TMC2: variants seen among roughly 807,000 people sequenced by gnomAD.
TMC2 encodes the protein transmembrane channel-like protein 2.
A neutral mutation model predicts 105.9 loss-of-function variants in TMC2; 102 were observed. That is an observed-to-expected ratio of 0.96 (90% CI 0.82 to 1.14). The LOEUF (loss-of-function observed/expected upper bound fraction) is 1.14. Ranked by LOEUF, TMC2 falls within the 50% of genes most tolerant of loss-of-function variation. TMC2 has a pLI of 0.00. For synonymous variants in TMC2, 402 were observed against 422.8 expected (o/e 0.95, Z 0.60); for missense variants, 1,093 against 1,134.3 (o/e 0.96, Z 0.52).
At chr20:2,559,315 C>A (rs960658431) in intron 3 of TMC2, among the ~76,000 whole-genome samples, 2 of 152,204 alleles carry the variant, frequency 1.3e-5, no homozygotes, top group African/African-American at 4.8e-5. Context: ...AATTCTGGAG[C>A]TTGGAGGTTT....
intron 2 of TMC2, among the ~76,000 whole-genome samples, chr20:2,555,267 G>A (rs1413007076): frequency 6.6e-6 from 1 of 151,892 alleles, no homozygotes; most frequent in East Asian, 1.9e-4. Flanking sequence ...TTTTAGTAGA[G>A]ATGGGGTTTC....
chr20:2,613,318 G>A lies in TMC2; in HGVS notation c.1868G>A (p.Gly623Glu). The change falls in exon 14 of 20, where the codon GGA becomes GAA. Residue 623 changes from glycine to glutamate, a missense_variant. By Grantham distance (98) the Gly-to-Glu change is moderately conservative. Transcript: ENST00000358864. Reference sequence around the variant, plus strand: ...TGCTGGTGCTGGGACTTGGAGGCTGGATTTGTAGGTCACCACTTCATGGAC... The same window carrying A: ...TGCTGGTGCTGGGACTTGGAGGCTGAATTTGTAGGTCACCACTTCATGGAC... ...NYCWCWDLEA[G>E]FPSYAEFDIS... 2 of 1,614,100 alleles carry A rather than the reference G, an allele frequency of 1.2e-6. No individual in the cohort carries two copies. The highest frequency in any genetic ancestry group is 1.7e-6 in the Non-Finnish European group (2 of 1,179,986).
chr20:2,612,034 T>C lies in TMC2; in HGVS notation c.1594-157T>C, dbSNP rs571990108. ...GAACTACAGCCTCTCCTGTACATAT[T>C]GAAAGCCTGAGAAGGGAATTTTGGA... On this transcript the variant is annotated intron_variant, in intron 12 of 19. Coordinates refer to ENST00000358864, the MANE Select transcript of TMC2 (RefSeq NM_080751.3). Among the ~76,000 whole-genome samples the C allele has an allele frequency of 7.2e-5, 11 of 152,262 alleles. No homozygotes were observed. In the South Asian group the frequency reaches 2.1e-3, roughly 29 times the overall value.
At chr20:2,562,054 C>T in intron 4 of TMC2, 44 bp downstream of exon 4, 1 of 1,586,450 alleles carries the variant, frequency 6.3e-7, no homozygotes, top group Non-Finnish European at 8.6e-7. Context: ...ATGTCCACAG[C>T]TCCTTCTGAT....
chr20:2,610,394 A>T (rs1297330204), intron 11 of TMC2, 25 bp from the exon 12 acceptor site: 1 of 1,594,796 alleles, frequency 6.3e-7, no homozygotes, highest in Non-Finnish European at 8.6e-7. Flanking sequence ...TTGATGACAC[A>T]ACGTAGGCTT....
At chr20:2,563,448 T>C (rs909887661) in intron 4 of TMC2, among the ~76,000 whole-genome samples, 1 of 152,210 alleles carries the variant, frequency 6.6e-6, no homozygotes, top group Non-Finnish European at 1.5e-5. Flanking sequence ...GTGTAACATA[T>C]AGCCACTACC....
chr20:2,555,319 G>A lies in TMC2; in HGVS notation c.83-3137G>A, dbSNP rs368519699. Among the ~76,000 whole-genome samples, 147 of 152,246 alleles carry A rather than the reference G, an allele frequency of 9.7e-4. No individual in the cohort carries two copies. In the Middle Eastern group the frequency reaches 0.014, roughly 14 times the overall value. ...TGGTCTCGAACACCTGACCTCAGGT[G>A]ATCCACCCACCTCAGCCTCCCAAAG... On this transcript the variant is annotated intron_variant, in intron 2 of 19. Coordinates refer to ENST00000358864, the MANE Select transcript of TMC2 (RefSeq NM_080751.3).
intron 4 of TMC2, among the ~76,000 whole-genome samples, 158 bp downstream of exon 4, chr20:2,562,168 C>T (rs892912329): frequency 1.3e-5 from 2 of 152,268 alleles, no homozygotes; most frequent in Non-Finnish European, 2.9e-5. Flanking sequence ...CCAAGGCGGC[C>T]GTGCTGTTCG....
chr20:2,603,276 A>C (rs1208800840), intron 11 of TMC2, among the ~76,000 whole-genome samples: 1 of 152,170 alleles, frequency 6.6e-6, no homozygotes, highest in Non-Finnish European at 1.5e-5. Flanking sequence ...TAAATTAATA[A>C]TAAGAAAGAG....
chr20:2,574,476 A>C (rs1277700597), intron 5 of TMC2, among the ~76,000 whole-genome samples: 3 of 152,204 alleles, frequency 2.0e-5, no homozygotes, highest in African/African-American at 4.8e-5. Context: ...ACTTTTTGTT[A>C]ATTTTAAAGA....
chr20:2,552,586 G>T (rs1425982200), intron 2 of TMC2, among the ~76,000 whole-genome samples: 1 of 152,114 alleles, frequency 6.6e-6, no homozygotes, highest in East Asian at 1.9e-4. Context: ...CACAATCTCG[G>T]CTCACTGCAA....
chr20:2,617,515 G>A, intron 16 of TMC2: 2 of 619,958 alleles, frequency 3.2e-6, no homozygotes, highest in Non-Finnish European at 2.7e-6. Flanking sequence ...CATTTCAGTA[G>A]CCACCAGCCA....
intron 9 of TMC2, 121 bp downstream of exon 9, chr20:2,595,088 G>A: frequency 9.1e-7 from 1 of 1,097,420 alleles, no homozygotes; most frequent in Non-Finnish European, 1.3e-6. Context: ...AATGAGCACA[G>A]AAAGCATATG....
chr20:2,558,491 G>T lies in TMC2; in HGVS notation c.118G>T (p.Ala40Ser), dbSNP rs1238848790. ...RLGRRSSSKR[A>S]LKAEGTPGRR... is the part of the protein sequence containing the mutation. ...GGGAAGGAGATCCTCAAGCAAGCGG[G>T]CTCTCAAAGCCGAGGGGACCCCAGG... The change falls in exon 3 of 20, where the codon GCT becomes TCT. Residue 40 changes from alanine (A) to serine (S), a missense_variant. Physicochemically the swap from Ala to Ser is moderately conservative, Grantham distance 99 (BLOSUM62 1). Coordinates refer to ENST00000358864, the MANE Select transcript of TMC2 (RefSeq NM_080751.3). The surrounding 1 kb of genome is among the most constrained non-coding windows in gnomAD (Gnocchi z 4.6). The T allele has an allele frequency of 1.3e-6, 2 of 1,559,084 alleles. No individual in the cohort carries two copies.
At chr20:2,559,019 G>C (rs1244545998) in intron 3 of TMC2, among the ~76,000 whole-genome samples, 1 of 152,228 alleles carries the variant, frequency 6.6e-6, no homozygotes, top group Non-Finnish European at 1.5e-5. Flanking sequence ...CCACTCCAGC[G>C]CCTCGTGGCA....
intron 10 of TMC2, among the ~76,000 whole-genome samples, chr20:2,599,619 T>G (rs976122379): frequency 3.3e-5 from 5 of 151,478 alleles, no homozygotes; most frequent in Admixed American, 3.3e-4. Flanking sequence ...TTTCTATTTT[T>G]TGTAGAGATG....
intron 3 of TMC2, among the ~76,000 whole-genome samples, chr20:2,560,049 A>C (rs1331521363): frequency 3.3e-5 from 5 of 152,188 alleles, no homozygotes; most frequent in Non-Finnish European, 7.3e-5. Flanking sequence ...GCAGAAAGCA[A>C]TATGCATGCA....
intron 7 of TMC2, among the ~76,000 whole-genome samples, chr20:2,583,751 T>C (rs986479977): frequency 2.0e-5 from 3 of 152,066 alleles, no homozygotes; most frequent in African/African-American, 2.4e-5. Flanking sequence ...TGAGCCACCA[T>C]GCTCAGCCTC....
chr20:2,561,237 A>G (rs551977461), intron 3 of TMC2, among the ~76,000 whole-genome samples: 1 of 152,380 alleles, frequency 6.6e-6, no homozygotes, highest in South Asian at 2.1e-4. Flanking sequence ...AAGGAAAACC[A>G]TATTCTGCTA....
Sources: allele counts gnomAD v4.1 joint callset (sites outside exome capture counted in the v4.1 genomes callset), GRCh38; gene constraint gnomAD v4.1.1; non-coding constraint Gnocchi (gnomAD v3.1); transcripts MANE v1.5; gene names NCBI Gene and HGNC (gene_info 2026-07-23, HGNC 2026-07-21).